PDE4D: variants seen among roughly 807,000 people sequenced by gnomAD.
PDE4D encodes 3',5'-cyclic-AMP phosphodiesterase 4D.
A neutral mutation model predicts 87.4 loss-of-function variants in PDE4D; 24 were observed. The observed-to-expected ratio is 0.27, with a 90% CI of 0.20 to 0.39. The LOEUF (loss-of-function observed/expected upper bound fraction) is 0.39. Among genes scored for constraint, PDE4D ranks in the 10% least tolerant of loss-of-function variants. The pLI is 1.00. For synonymous variants in PDE4D, 384 were observed against 383.2 expected (o/e 1.00, Z -0.02); for missense variants, 714 against 1,041.0 (o/e 0.69, Z 4.32).
intron 1 of PDE4D, among the ~76,000 whole-genome samples, chr5:59,481,167 C>T (rs1426906620): frequency 2.6e-5 from 4 of 152,026 alleles, no homozygotes; most frequent in Non-Finnish European, 5.9e-5. Context: ...CACATACAGC[C>T]TTTAAAAGAG....
intron 1 of PDE4D, among the ~76,000 whole-genome samples, chr5:59,404,358 C>CT (rs1791225446): frequency 6.6e-6 from 1 of 152,002 alleles, no homozygotes; most frequent in African/African-American, 2.4e-5. Context: ...TGGGGTATTA[C>CT]TCAAAAAATC....
At chr5:59,275,574 G>T in intron 1 of PDE4D, 1 of 1,388,376 alleles carries the variant, frequency 7.2e-7, no homozygotes. Flanking sequence ...CATGGGCAAG[G>T]TTCTAACACG....
In PDE4D at chr5:59,313,872, C is replaced by G. The variant is rs1475091053; in HGVS notation, c.456-97904G>C. Among the ~76,000 whole-genome samples the G allele has an allele frequency of 2.0e-5, 3 of 152,126 alleles. No homozygotes were observed. In the East Asian group the frequency reaches 5.8e-4, roughly 29 times the overall value. ...TTTTCCTTTCCACTGCAACAGCTAT[C>G]AAAGTTCCTGGCACCTCTAGTTGGA... On this transcript the variant is annotated intron_variant, in intron 1 of 14. Coordinates refer to ENST00000340635, the MANE Select transcript of PDE4D (RefSeq NM_001104631.2).
At chr5:60,050,344 A>C (rs1369842835) in intron 2 of PDE4D, among the ~76,000 whole-genome samples, 1 of 152,044 alleles carries the variant, frequency 6.6e-6, no homozygotes, top group Non-Finnish European at 1.5e-5. Context: ...TCTCACTGGG[A>C]GTTGTAGACC....
chr5:60,089,950 A>T (rs1774950997), intron 2 of PDE4D, among the ~76,000 whole-genome samples: 1 of 152,020 alleles, frequency 6.6e-6, no homozygotes, highest in African/African-American at 2.4e-5. Context: ...GGACACATGC[A>T]AACCATGAAG....
chr5:59,041,918 G>A (rs1759752680), intron 5 of PDE4D, among the ~76,000 whole-genome samples: 1 of 152,182 alleles, frequency 6.6e-6, no homozygotes, highest in Non-Finnish European at 1.5e-5. Context: ...TCTTAAGAAG[G>A]TAGTATAGTG....
At chr5:59,849,386 T>G (rs572986596) in intron 1 of PDE4D, among the ~76,000 whole-genome samples, 1 of 152,004 alleles carries the variant, frequency 6.6e-6, no homozygotes, top group South Asian at 2.1e-4. Flanking sequence ...CAAAGAGACA[T>G]GAAGTTTTAA....
intron 6 of PDE4D, among the ~76,000 whole-genome samples, chr5:59,028,518 C>G (rs1434330700): frequency 6.6e-6 from 1 of 150,544 alleles, no homozygotes; most frequent in Non-Finnish European, 1.5e-5. Context: ...TCTTTTAATT[C>G]ATTAAATCAC....
intron 1 of PDE4D, among the ~76,000 whole-genome samples, chr5:60,300,009 CCCA>C (rs1309273011): frequency 6.6e-6 from 1 of 152,180 alleles, no homozygotes; most frequent in Non-Finnish European, 1.5e-5. Context: ...AATTTACACT[CCCA>C]CCAACAGTGT....
intron 3 of PDE4D, among the ~76,000 whole-genome samples, chr5:59,949,977 T>C (rs1245251458): frequency 1.3e-5 from 2 of 152,224 alleles, no homozygotes; most frequent in Non-Finnish European, 2.9e-5. Context: ...TAATAAGCAT[T>C]TAAACCTATT....
intron 2 of PDE4D, among the ~76,000 whole-genome samples, chr5:60,012,413 T>C (rs1213006029): frequency 6.6e-6 from 1 of 152,200 alleles, no homozygotes; most frequent in African/African-American, 2.4e-5. Flanking sequence ...AAAACGAAAG[T>C]ACAATGTGAC....
At chr5:59,641,402 G>C (rs1466107689) in intron 1 of PDE4D, among the ~76,000 whole-genome samples, 1 of 152,196 alleles carries the variant, frequency 6.6e-6, no homozygotes, top group Admixed American at 6.5e-5. Flanking sequence ...GACTTCCCGT[G>C]TGTTCCTTCA....
intron 1 of PDE4D, among the ~76,000 whole-genome samples, chr5:59,268,559 C>T (rs181526544): frequency 1.5e-3 from 227 of 152,114 alleles, no homozygotes; most frequent in African/African-American, 5.2e-3. Flanking sequence ...TACCTTACTT[C>T]TGTCCATTTT....
At chr5:59,201,230 G>A (rs577485878) in intron 2 of PDE4D, among the ~76,000 whole-genome samples, 80 of 152,016 alleles carry the variant, frequency 5.3e-4, no homozygotes, top group Non-Finnish European at 2.6e-4. Context: ...ATAAGACAAA[G>A]GTAAATATTA....
In PDE4D at chr5:59,151,020, AAAG is replaced by A. The variant is rs546376425; in HGVS notation, c.808+29572_808+29574del. On this transcript the variant is annotated intron_variant, in intron 5 of 14. Coordinates refer to ENST00000340635, the MANE Select transcript of PDE4D (RefSeq NM_001104631.2). ...AAAGACACCATATTTACTACAAGCA[AAAG>A]AAGAAGTTTCAGGTGCCTAGAACTG... 2.0e-3 allele frequency among the ~76,000 whole-genome samples: 309 copies of A among 152,286 alleles called. 2 individuals carry two copies. The highest frequency in any genetic ancestry group is 6.9e-3 in the African/African-American group (286 of 41,560).
At chr5:60,247,938 T>C (rs1462704537) in intron 1 of PDE4D, among the ~76,000 whole-genome samples, 3 of 152,176 alleles carry the variant, frequency 2.0e-5, no homozygotes, top group Middle Eastern at 3.4e-3. Flanking sequence ...GTTTCAATCA[T>C]AGTATAGAAG....
chr5:60,287,061 A>G (rs1362960709), intron 1 of PDE4D, among the ~76,000 whole-genome samples: 1 of 152,200 alleles, frequency 6.6e-6, no homozygotes, highest in African/African-American at 2.4e-5. Flanking sequence ...CATGCCTTCT[A>G]TGAGATATAT....
intron 2 of PDE4D, among the ~76,000 whole-genome samples, chr5:59,991,341 T>C (rs1762985576): frequency 6.6e-6 from 1 of 152,096 alleles, no homozygotes; most frequent in South Asian, 2.1e-4. Flanking sequence ...GACCAGCAGA[T>C]CTGGAATAGG....
At chr5:60,167,355 C>A (rs1362964861) in intron 2 of PDE4D, among the ~76,000 whole-genome samples, 5 of 149,782 alleles carry the variant, frequency 3.3e-5, no homozygotes, top group African/African-American at 1.2e-4. Context: ...GCAGGCTCCG[C>A]CCCCTGGGGT....
Sources: allele counts gnomAD v4.1 joint callset (sites outside exome capture counted in the v4.1 genomes callset), GRCh38; gene constraint gnomAD v4.1.1; transcripts MANE v1.5; gene names NCBI Gene and HGNC (gene_info 2026-07-23, HGNC 2026-07-21).